The following SLC2A9 variants were observed in gnomAD, a reference collection of about 807,000 sequenced individuals.
SLC2A9 encodes the protein solute carrier family 2, facilitated glucose transporter member 9.
Under a neutral mutation model 50.6 loss-of-function variants are expected in SLC2A9, and 39 were observed. The observed-to-expected ratio is 0.77, with a 90% confidence interval of 0.60 to 1.01. The LOEUF (loss-of-function observed/expected upper bound fraction) is 1.01, where lower values mean the gene tolerates loss of function less well. Among genes scored for constraint, SLC2A9 ranks in the 50% least tolerant of loss-of-function variants. SLC2A9 has a pLI of 0.00. For synonymous variants in SLC2A9, 324 were observed against 276.9 expected, an observed-to-expected ratio of 1.17 and a Z score of -1.69; for missense variants, 686 against 677.6, an observed-to-expected ratio of 1.01 and a Z score of -0.14.
chr4:9,903,561 G>T (rs1473869730), intron 8 of SLC2A9, among the ~76,000 whole-genome samples: 1 of 151,942 alleles, frequency 6.6e-6, no homozygotes, highest in Non-Finnish European at 1.5e-5. Context: ...GATGACTGAC[G>T]CCCTGAGCCA....
At chr4:9,867,906 A>T (rs973680015) in intron 10 of SLC2A9, among the ~76,000 whole-genome samples, 5 of 152,088 alleles carry the variant, frequency 3.3e-5, no homozygotes, top group Admixed American at 3.3e-4. Flanking sequence ...CACACATGCA[A>T]CTCACATGCG....
chr4:9,951,486 C>G (rs1750249261), intron 5 of SLC2A9, among the ~76,000 whole-genome samples: 1 of 152,102 alleles, frequency 6.6e-6, no homozygotes, highest in Non-Finnish European at 1.5e-5. Flanking sequence ...GACTCAATCA[C>G]CACACAAATA....
intron 7 of SLC2A9, among the ~76,000 whole-genome samples, chr4:9,917,383 G>C (rs1743066169): frequency 7.0e-6 from 1 of 142,300 alleles, no homozygotes; most frequent in African/African-American, 2.7e-5. Flanking sequence ...CCCAGGCTGG[G>C]GTGTAGTGGT....
downstream of SLC2A9, chr4:9,798,521 C>G (rs1720889795): frequency 6.6e-6 from 1 of 152,192 alleles, no homozygotes; most frequent in Non-Finnish European, 1.5e-5. Context: ...TCACCCACCC[C>G]CAATGTCAAT....
intron 3 of SLC2A9, among the ~76,000 whole-genome samples, chr4:9,780,757 A>G (rs1325008911): frequency 2.0e-5 from 3 of 152,176 alleles, no homozygotes; most frequent in Admixed American, 1.3e-4. Context: ...GAGCTCAGGA[A>G]CACTGTTTTC....
intron 10 of SLC2A9, among the ~76,000 whole-genome samples, chr4:9,839,710 C>T (rs1282572034): frequency 6.6e-6 from 1 of 152,088 alleles, no homozygotes; most frequent in Non-Finnish European, 1.5e-5. Context: ...ATTATCCTAG[C>T]AAACTAAATG....
At chr4:9,970,489 G>C (rs973784737) in intron 5 of SLC2A9, among the ~76,000 whole-genome samples, 10 of 152,118 alleles carry the variant, frequency 6.6e-5, no homozygotes, top group Non-Finnish European at 1.3e-4. Context: ...GAGGGGCACA[G>C]CCTGAAAACC....
rs1296007215 is a variant in SLC2A9, at chr4:9,935,806, G to A, written c.814+6107C>T. Among the ~76,000 whole-genome samples the A allele has an allele frequency of 3.3e-5, 5 of 152,184 alleles. No homozygotes were observed. The East Asian group carries it at 7.7e-4, about 23-fold the overall frequency. On this transcript the variant is annotated intron_variant, in intron 6 of 11. Coordinates refer to ENST00000264784, the MANE Select transcript of SLC2A9 (RefSeq NM_020041.3). ...AACCTGATGGGTCCCAGGACCTCAC[G>A]CTGGGGGCTTAACAGTTTCCATTCC...
intron 5 of SLC2A9, among the ~76,000 whole-genome samples, chr4:9,967,619 G>A (rs531489289): frequency 1.7e-3 from 252 of 151,768 alleles, no homozygotes; most frequent in African/African-American, 5.8e-3. Flanking sequence ...TAAAAGTTGT[G>A]TCAAAATATG....
chr4:9,829,704 A>C (rs1725744944), intron 11 of SLC2A9, among the ~76,000 whole-genome samples: 1 of 152,180 alleles, frequency 6.6e-6, no homozygotes, highest in Admixed American at 6.5e-5. Flanking sequence ...TGGGCAAAGG[A>C]CACACACAGA....
intron 8 of SLC2A9, among the ~76,000 whole-genome samples, chr4:9,898,303 C>T (rs1738942535): frequency 6.6e-6 from 1 of 152,030 alleles, no homozygotes; most frequent in Non-Finnish European, 1.5e-5. Context: ...TATTATATGA[C>T]AATAAACAAC....
rs753123621 is a variant in SLC2A9 at position 9,908,219 on chromosome 4, C to T, written c.1113+16G>A. 396 of 1,563,558 alleles carry T rather than the reference C, an allele frequency of 2.5e-4. 2 individuals carry two copies. The highest frequency in any genetic ancestry group is 3.3e-4 in the Non-Finnish European group (372 of 1,133,766). ...CCCCCTGTGGCATTCTCAGGAGTAA[C>T]CCTCAGTTGACTTACAGAGAAGACG... is the stretch of plus-strand genomic sequence containing the variant. On this transcript the variant is annotated intron_variant, in intron 8 of 11. Transcript: ENST00000264784.
chr4:9,939,988 C>G (rs1165728500), intron 6 of SLC2A9, among the ~76,000 whole-genome samples: 1 of 152,232 alleles, frequency 6.6e-6, no homozygotes. Flanking sequence ...CGTTTTGTAA[C>G]TGTACTTCTC....
At chr4:9,927,042 T>C (rs1364134719) in intron 6 of SLC2A9, among the ~76,000 whole-genome samples, 2 of 151,518 alleles carry the variant, frequency 1.3e-5, no homozygotes, top group Non-Finnish European at 2.9e-5. Flanking sequence ...TTTTTTTTTT[T>C]TTTTTTTACA....
At chr4:10,010,923 G>A (rs1044971146) in intron 2 of SLC2A9, among the ~76,000 whole-genome samples, 1 of 152,094 alleles carries the variant, frequency 6.6e-6, no homozygotes, top group Non-Finnish European at 1.5e-5. Flanking sequence ...ATCCCCCAGT[G>A]GTCGTTCTGC....
chr4:9,888,116 T>TG (rs60693286), intron 9 of SLC2A9, among the ~76,000 whole-genome samples: 1 of 103,848 alleles, frequency 9.6e-6, no homozygotes, highest in Non-Finnish European at 2.3e-5. Context: ...GGGCCTGTTT[T>TG]GGGGGGTGGG....
At position 9,782,404 on chromosome 4, in the gene SLC2A9, T is replaced by C. The variant is rs2227841; in HGVS notation, n.386-2339A>G. The C allele has an allele frequency of 2.3e-5, 37 of 1,614,042 alleles. No individual in the cohort carries two copies. The African/African-American group carries it at 4.1e-4, about 18-fold the overall frequency. On this transcript the variant is annotated intron_variant and non_coding_transcript_variant, in intron 3 of 3. Transcript: ENST00000503803. ...TGGCCTTCGACATCATGTGCTCCAC[T>C]GCCTCCATCCTGAACCTGTGCGTCA... is the stretch of plus-strand genomic sequence containing the variant.
At chr4:10,004,327 C>T (rs550047120) in intron 2 of SLC2A9, among the ~76,000 whole-genome samples, 2 of 152,282 alleles carry the variant, frequency 1.3e-5, no homozygotes, top group South Asian at 2.1e-4. Flanking sequence ...ACAGTGCTCT[C>T]CTCTTCCTGG....
chr4:10,032,387 G>C (rs1011343236), intron 1 of SLC2A9, among the ~76,000 whole-genome samples: 2 of 152,154 alleles, frequency 1.3e-5, no homozygotes, highest in Admixed American at 1.3e-4. Flanking sequence ...TGGTGGGGTT[G>C]TCAAGGCCTG....
Sources: gnomAD v4.1 joint callset for allele counts (sites outside exome capture counted in the v4.1 genomes callset) on GRCh38, gnomAD v4.1.1 for gene constraint, MANE v1.5 for transcripts, NCBI Gene and HGNC (gene_info 2026-07-23, HGNC 2026-07-21) for gene names.